The following ICAM5 variants were observed in gnomAD, a reference collection of about 807,000 sequenced individuals.
ICAM5 encodes ICAM-5.
ICAM5 carries 38 observed loss-of-function variants against 78.8 expected under a neutral mutation model. The ratio of observed to expected loss-of-function variants is 0.48; its 90% CI spans 0.37 to 0.63. The LOEUF is 0.63. Ranked by LOEUF, ICAM5 falls within the 30% of genes least tolerant of loss-of-function variation. The pLI, the probability that ICAM5 is intolerant of heterozygous loss-of-function variation, is 0.00. For synonymous variants in ICAM5, 544 were observed against 590.9 expected (o/e 0.92, Z 1.15); for missense variants, 1,059 against 1,303.0 (o/e 0.81, Z 2.88).
intron 4 of ICAM5, 26 bp from the exon 5 acceptor site, chr19:10,292,586 A>T (rs2040183182): frequency 6.5e-7 from 1 of 1,542,826 alleles, no homozygotes; most frequent in African/African-American, 1.4e-5. Context: ...TGGTCAGTAT[A>T]CTACGACCAA....
Position 10,293,173 on chromosome 19 carries a change from C to G in ICAM5, c.1392C>G (p.Leu464=), listed in dbSNP as rs2145029445. ...LGLLGPVTRA[L]SGTYRCKAAN... ...TGCTGGGTCCAGTCACTCGGGCGCTCTCAGGCACTTACCGCTGCAAGGCGG... is the reference window on the plus strand; with the variant it reads ...TGCTGGGTCCAGTCACTCGGGCGCTGTCAGGCACTTACCGCTGCAAGGCGG... The change falls in exon 6 of 11, where the codon CTC becomes CTG. Residue 464 remains leucine, a synonymous_variant. Coordinates refer to ENST00000221980, the MANE Select transcript of ICAM5 (RefSeq NM_003259.4). This position sits in a 1 kb window ranked among gnomAD's most constrained non-coding sequence, Gnocchi z 5.0. 1.2e-6 allele frequency: 2 copies of G among 1,611,270 alleles called. No individual in the cohort carries two copies. Among genetic ancestry groups the G allele is most frequent in the Non-Finnish European group, 1.7e-6 (2 of 1,179,058 alleles).
At position 10,290,032 on chromosome 19, in the gene ICAM5, C is replaced by T. The variant is rs1400910063; in HGVS notation, c.-12C>T. On this transcript the variant is annotated 5_prime_UTR_variant, in exon 1 of 11. Transcript: ENST00000221980. This position sits in a 1 kb window ranked among gnomAD's most constrained non-coding sequence, Gnocchi z 5.7. Reference sequence around the variant, plus strand: ...CGCTCTCCTCGCCTCCTGTGCTTTCCCCGCCGCGGCGATGCCAGGGCCTTC... The same window carrying T: ...CGCTCTCCTCGCCTCCTGTGCTTTCTCCGCCGCGGCGATGCCAGGGCCTTC... 9.1e-6 allele frequency: 14 copies of T among 1,537,684 alleles called. No individual in the cohort carries two copies. The highest frequency in any genetic ancestry group is 1.2e-5 in the South Asian group (1 of 83,610).
chr19:10,296,678 A>T lies in ICAM5; in HGVS notation c.*62A>T, dbSNP rs1399822586. On this transcript the variant is annotated 3_prime_UTR_variant, in exon 11 of 11. Transcript: ENST00000221980. ...CCCAGACTCACACGGGGGCTTATTT[A>T]TTGCTTTATTTATTTACTTATTCAT... is the stretch of plus-strand genomic sequence containing the variant. The T allele has an allele frequency of 8.5e-7, 1 of 1,171,336 alleles. No homozygotes were observed. The highest frequency in any genetic ancestry group is 1.1e-6 in the Non-Finnish European group (1 of 944,884). The allele number at this position is 1,171,336 out of a possible 1,614,324, so 72.6% of individuals were successfully genotyped here. A position where few individuals can be genotyped will look rare whatever the true frequency, so the allele number is the denominator to read the frequency against.
At position 10,290,983 on chromosome 19, in the gene ICAM5, C is replaced by T. The variant is rs2040166281; in HGVS notation, c.83-89C>T. On this transcript the variant is annotated intron_variant, in intron 1 of 10. Transcript: ENST00000221980. This position sits in a 1 kb window ranked among gnomAD's most constrained non-coding sequence, Gnocchi z 5.7. ...TGGCTGCAGCCTCTCCTCCTCCTCC[C>T]CGCCCTCTGAGAACCCTTGACTCGA... The T allele has an allele frequency of 1.4e-6, 2 of 1,457,670 alleles. No homozygotes were observed. Among genetic ancestry groups the T allele is most frequent in the Non-Finnish European group, 9.2e-7 (1 of 1,091,076 alleles). The allele number at this position is 1,457,670 out of a possible 1,614,324, so 90.3% of individuals were successfully genotyped here.
chr19:10,293,570 T>C lies in ICAM5; in HGVS notation c.1466-128T>C. 7.7e-7 allele frequency: 1 copy of C among 1,304,248 alleles called. No homozygotes were observed. Among genetic ancestry groups the C allele is most frequent in the South Asian group, 1.4e-5 (1 of 70,920 alleles). The allele number at this position is 1,304,248 out of a possible 1,614,324, so 80.8% of individuals were successfully genotyped here. A position where few individuals can be genotyped will look rare whatever the true frequency, so the allele number is the denominator to read the frequency against. On this transcript the variant is annotated intron_variant, in intron 6 of 10. Coordinates refer to ENST00000221980, the MANE Select transcript of ICAM5 (RefSeq NM_003259.4). This position sits in a 1 kb window ranked among gnomAD's most constrained non-coding sequence, Gnocchi z 5.0. ...TGCATGCCTCGACTAGCGTGACACC[T>C]CCTTGGATCGGCGTCCAAGGGTTAT...
rs267605269 is a variant in ICAM5 at position 10,291,553 on chromosome 19, C to T, written c.417C>T (p.Thr139=). The T allele has an allele frequency of 6.2e-7, 1 of 1,612,564 alleles. No individual in the cohort carries two copies. Residue 139 remains threonine, a synonymous_variant, in exon 3 of 11, where the codon ACC becomes ACT. Transcript: ENST00000221980. ...GGCAGCCGGTGGGCGAGAACTTCAC[C>T]CTGAGCTGTAGGGTCCCCGGCGCCG... ...PPWQPVGENF[T]LSCRVPGAGP...
chr19:10,291,436 C>A, intron 2 of ICAM5, 53 bp from the exon 3 acceptor site: 1 of 1,609,466 alleles, frequency 6.2e-7, no homozygotes, highest in Admixed American at 1.7e-5. Flanking sequence ...CAGGCCCCAC[C>A]TTCTGTTCCA....
At chr19:10,295,685 C>A in intron 10 of ICAM5, 73 bp downstream of exon 10, 7 of 1,443,038 alleles carry the variant, frequency 4.9e-6, no homozygotes, top group Non-Finnish European at 6.4e-6. Context: ...GGGCGGCCGG[C>A]CCCGCCTGCC....
At chr19:10,295,703 C>T (rs1259875393) in intron 10 of ICAM5, 91 bp downstream of exon 10, 3 of 1,380,922 alleles carry the variant, frequency 2.2e-6, no homozygotes, top group African/African-American at 1.4e-5. Context: ...GCCTCCCTCT[C>T]GGTCCCGGTA....
In ICAM5 at chr19:10,293,252, TG is replaced by T; in HGVS notation, c.1465+11del. On this transcript the variant is annotated splice_region_variant and intron_variant, in intron 6 of 10. Transcript: ENST00000221980. The surrounding 1 kb of genome is among the most constrained non-coding windows in gnomAD (Gnocchi z 5.0). The stretch of plus-strand genomic sequence containing the variant: ...CGTAACGCTAACGGTGGAGTGTGAG[TG>T]GGGGTGCGCAGGGTGCATTTCTATC... 6.4e-7 allele frequency: 1 copy of T among 1,570,260 alleles called. No individual in the cohort carries two copies.
At chr19:10,291,382 C>T (rs772249843) in intron 2 of ICAM5, 41 bp downstream of exon 2, 3 of 1,607,030 alleles carry the variant, frequency 1.9e-6, no homozygotes, top group Non-Finnish European at 1.7e-6. Flanking sequence ...ACTACTCTCC[C>T]TCCCTCCCAG....
Position 10,292,699 on chromosome 19 carries a change from C to T in ICAM5, c.1049C>T (p.Ala350Val), listed in dbSNP as rs756602664. The T allele has an allele frequency of 1.2e-6, 2 of 1,612,838 alleles. No individual in the cohort carries two copies. The highest frequency in any genetic ancestry group is 4.5e-5 in the East Asian group (2 of 44,876). ...GTAACCTGCGCAGCTGGGGCCCAAGCTCTGGTCACACTGGAGGGAGTTCCA... is the reference window on the plus strand; with the variant it reads ...GTAACCTGCGCAGCTGGGGCCCAAGTTCTGGTCACACTGGAGGGAGTTCCA... Reference protein sequence around the residue: ...VTVTCAAGAQALVTLEGVPAA... With the variant: ...VTVTCAAGAQVLVTLEGVPAA... Residue 350 changes from alanine to valine, a missense_variant, in exon 5 of 11, where the codon GCT (alanine) becomes GTT (valine). Transcript: ENST00000221980.
At chr19:10,292,532 G>A in intron 4 of ICAM5, 80 bp from the exon 5 acceptor site, 1 of 1,497,364 alleles carries the variant, frequency 6.7e-7, no homozygotes, top group Non-Finnish European at 9.0e-7. Context: ...GCACCCCGAG[G>A]ATTCGGGCAG....
At position 10,295,329 on chromosome 19, in the gene ICAM5, C is replaced by T. The variant is rs2040211143; in HGVS notation, c.2231-17C>T. 5 of 1,516,038 alleles carry T rather than the reference C, an allele frequency of 3.3e-6. No individual in the cohort carries two copies. In the African/African-American group the frequency reaches 5.6e-5, roughly 17 times the overall value. The allele number at this position is 1,516,038 out of a possible 1,614,324, so 93.9% of individuals were successfully genotyped here. On this transcript the variant is annotated splice_polypyrimidine_tract_variant and intron_variant, in intron 9 of 10. Coordinates refer to ENST00000221980, the MANE Select transcript of ICAM5 (RefSeq NM_003259.4). ...TGGGCCGGCGCTAAGCCCCACTTCA[C>T]CTTCTGTGCCCTTCAGACCGGCCAG...
Position 10,295,631 on chromosome 19 carries a change from G to T in ICAM5, c.2497+19G>T. The T allele has an allele frequency of 6.5e-7, 1 of 1,531,108 alleles. No homozygotes were observed. Among genetic ancestry groups the T allele is most frequent in the East Asian group, 2.5e-5 (1 of 40,748 alleles). The allele number at this position is 1,531,108 out of a possible 1,614,324, so 94.8% of individuals were successfully genotyped here. ...GTGGCCGGTAAGTGGCAGCTGGGGA[G>T]AGGCGGGGCGAGGTATCTGAGAGGG... On this transcript the variant is annotated intron_variant, in intron 10 of 10. Transcript: ENST00000221980.
At position 10,292,027 on chromosome 19, in the gene ICAM5, A is replaced by G; in HGVS notation, c.674-8A>G. 6.2e-7 allele frequency: 1 copy of G among 1,608,612 alleles called. No homozygotes were observed. Among genetic ancestry groups the G allele is most frequent in the Non-Finnish European group, 8.5e-7 (1 of 1,176,512 alleles). ...GAGTTAGTTCAAACTTGGTTCTTCG[A>G]CCCCTAGCCCTGTCTCCGGATGCCC... On this transcript the variant is annotated splice_region_variant and splice_polypyrimidine_tract_variant and intron_variant, in intron 3 of 10. Transcript: ENST00000221980.
rs1197765633 is a variant in ICAM5 at position 10,295,598 on chromosome 19, C to A, written c.2483C>A (p.Thr828Lys). 6.5e-7 allele frequency: 1 copy of A among 1,542,048 alleles called. No individual in the cohort carries two copies. The highest frequency in any genetic ancestry group is 2.4e-5 in the East Asian group (1 of 40,874). Reference sequence around the variant, plus strand: ...CACGGGCGCCACGCGCGGCGCATCACGGTGCGCGTGGCCGGTAAGTGGCAG... The same window carrying A: ...CACGGGCGCCACGCGCGGCGCATCAAGGTGCGCGTGGCCGGTAAGTGGCAG... Reference protein sequence around the residue: ...NAHGRHARRITVRVAGPWLWV... With the variant: ...NAHGRHARRIKVRVAGPWLWV... Residue 828 changes from threonine (T) to lysine (K), a missense_variant, in exon 10 of 11, where the codon ACG becomes AAG. This residue lies in a region of ICAM5 where 135 missense variants were observed against 230.2 expected (regional missense o/e 0.59). Transcript: ENST00000221980.
Position 10,292,844 on chromosome 19 carries a change from G to A in ICAM5, c.1194G>A (p.Arg398=), listed in dbSNP as rs1363687556. 1.2e-6 allele frequency: 2 copies of A among 1,612,656 alleles called. No homozygotes were observed. The highest frequency in any genetic ancestry group is 1.7e-6 in the Non-Finnish European group (2 of 1,179,724). ...DVDGETLIKN[R]SAELRVLYAP... is the part of the protein sequence containing the mutation. ...ACGGGGAGACCCTGATCAAGAACAG[G>A]AGCGCAGAGCTTCGTGTCCTATGTG... The change falls in exon 5 of 11, where the codon AGG becomes AGA. Residue 398 remains arginine, a synonymous_variant. Coordinates refer to ENST00000221980, the MANE Select transcript of ICAM5 (RefSeq NM_003259.4).
Position 10,293,016 on chromosome 19 carries a change from A to G in ICAM5, c.1235A>G (p.Asp412Gly), listed in dbSNP as rs1423344953. The G allele has an allele frequency of 6.2e-7, 1 of 1,610,894 alleles. No individual in the cohort carries two copies. The highest frequency in any genetic ancestry group is 1.3e-5 in the African/African-American group (1 of 74,894). ...LRVLYAPRLD[D>G]SDCPRSWTWP... The stretch of plus-strand genomic sequence containing the variant: ...CCCGCAGACGCTCCCCGGCTAGACG[A>G]TTCGGACTGCCCCAGGAGTTGGACG... Residue 412 changes from aspartate (D) to glycine (G), a missense_variant, in exon 6 of 11, where the codon GAT becomes GGT. Physicochemically the swap from Asp to Gly is moderately conservative, Grantham distance 94 (BLOSUM62 -1). Transcript: ENST00000221980. The surrounding 1 kb of genome is among the most constrained non-coding windows in gnomAD (Gnocchi z 5.0).
Sources: gnomAD v4.1 joint callset for allele counts on GRCh38, gnomAD v4.1.1 for gene constraint, gnomAD v4.1.1 regional missense constraint, Gnocchi (gnomAD v3.1) non-coding constraint, MANE v1.5 for transcripts, NCBI Gene and HGNC (gene_info 2026-07-23, HGNC 2026-07-21) for gene names.